The following ITGB2 variants were observed in gnomAD, a reference collection of about 807,000 sequenced individuals.
ITGB2 encodes integrin subunit beta 2, also known as integrin beta-2.
Under a neutral mutation model 86.8 loss-of-function variants are expected in ITGB2, and 56 were observed. The observed-to-expected ratio is 0.65, with a 90% confidence interval of 0.52 to 0.81. The LOEUF is 0.81. ITGB2 is among the 30% of genes least tolerant of loss of function. ITGB2 has a pLI of 0.00. For synonymous variants in ITGB2, 457 were observed against 450.4 expected (o/e 1.01, Z -0.19); for missense variants, 948 against 1,061.2 (o/e 0.89, Z 1.48).
rs551715535 is a variant in ITGB2 at position 44,899,651 on chromosome 21, G to A, written c.898-489C>T. The stretch of plus-strand genomic sequence containing the variant: ...TACAACGTCAGGCTGCAAGAGCGTC[G>A]CACTACGGCCAGCGAGGACAAGCCC... On this transcript the variant is annotated intron_variant, in intron 7 of 15. Coordinates refer to ENST00000652462, the MANE Select transcript of ITGB2 (RefSeq NM_000211.5). Among the ~76,000 whole-genome samples the A allele has an allele frequency of 4.6e-5, 7 of 152,320 alleles. 1 individual carries two copies. Among genetic ancestry groups the A allele is most frequent in the Non-Finnish European group, 8.8e-5 (6 of 68,036 alleles).
rs1255074291 is a variant in ITGB2 at position 44,903,408 on chromosome 21, G to C, written c.456C>G (p.Asp152Glu). ...TGATCTCGTTGAGGGCCCGGAGCAG[G>C]TCGCCACCTAGCTTCTTGACATTCC... Reference protein sequence around the residue: ...DLRNVKKLGGDLLRALNEITE... With the variant: ...DLRNVKKLGGELLRALNEITE... Residue 152 changes from aspartate (D) to glutamate (E), a missense_variant, in exon 5 of 16, where the codon GAC becomes GAG. Coordinates refer to ENST00000652462, the MANE Select transcript of ITGB2 (RefSeq NM_000211.5). 1 of 1,614,014 alleles carries C rather than the reference G, an allele frequency of 6.2e-7. No homozygotes were observed. Among genetic ancestry groups the C allele is most frequent in the Non-Finnish European group, 8.5e-7 (1 of 1,179,992 alleles).
At chr21:44,920,979 G>A (rs1239873523), upstream of ITGB2, 1 of 152,384 alleles carries the variant, frequency 6.6e-6, no homozygotes, top group Non-Finnish European at 1.5e-5. Flanking sequence ...GGAAGTGGTG[G>A]GTTGCACCAC....
At chr21:44,914,921 A>C (rs1391683008) in intron 1 of ITGB2, among the ~76,000 whole-genome samples, 1 of 147,808 alleles carries the variant, frequency 6.8e-6, no homozygotes, top group Non-Finnish European at 1.5e-5. Context: ...TGACAGAACG[A>C]GGCCCTGTCT....
At chr21:44,887,092 A>G (rs2083711412) in intron 14 of ITGB2, among the ~76,000 whole-genome samples, 190 bp from the exon 15 acceptor site, 1 of 152,188 alleles carries the variant, frequency 6.6e-6, no homozygotes, top group Non-Finnish European at 1.5e-5. Context: ...ATTCCAGGCC[A>G]GGCCCTGTGG....
intron 13 of ITGB2, 163 bp from the exon 14 acceptor site, chr21:44,889,058 A>G: frequency 1.4e-6 from 1 of 709,128 alleles, no homozygotes; most frequent in Non-Finnish European, 2.4e-6. Flanking sequence ...CAGCGGGTGA[A>G]CTGGAAGCCT....
In ITGB2 at chr21:44,900,311, G is replaced by A; in HGVS notation, c.897+9C>T. The A allele has an allele frequency of 6.2e-7, 1 of 1,614,150 alleles. No individual in the cohort carries two copies. Among genetic ancestry groups the A allele is most frequent in the South Asian group, 1.1e-5 (1 of 91,086 alleles). On this transcript the variant is annotated intron_variant, in intron 7 of 15. Coordinates refer to ENST00000652462, the MANE Select transcript of ITGB2 (RefSeq NM_000211.5). ...AGGCGGTGCCTGGGTGCCTGGGGTG[G>A]GGACTTACGAATTCGTTGCTCCTCT...
intron 3 of ITGB2, among the ~76,000 whole-genome samples, chr21:44,909,700 T>C (rs1335237121): frequency 6.6e-6 from 1 of 152,214 alleles, no homozygotes; most frequent in African/African-American, 2.4e-5. Context: ...CAATAAAATA[T>C]GCGTAGTGTG....
intron 4 of ITGB2, among the ~76,000 whole-genome samples, chr21:44,906,399 G>A (rs1057403143): frequency 6.6e-6 from 1 of 152,134 alleles, no homozygotes; most frequent in African/African-American, 2.4e-5. Flanking sequence ...GGGATTACAG[G>A]CGTGAGCCAC....
intron 8 of ITGB2, among the ~76,000 whole-genome samples, chr21:44,897,825 T>C (rs2083891671): frequency 6.6e-6 from 1 of 152,192 alleles, no homozygotes; most frequent in Admixed American, 6.5e-5. Context: ...GCTCAGTCCT[T>C]CTGTCCCTGT....
At position 44,898,184 on chromosome 21, in the gene ITGB2, C is replaced by T. The variant is rs867411530; in HGVS notation, c.993+883G>A. On this transcript the variant is annotated intron_variant, in intron 8 of 15. Coordinates refer to ENST00000652462, the MANE Select transcript of ITGB2 (RefSeq NM_000211.5). ...GAGGTCAGCCATGGGGTGTCAGCCGCGCCGCTGTGACTGACCCCCAGTAGA... is the reference window on the plus strand; with the variant it reads ...GAGGTCAGCCATGGGGTGTCAGCCGTGCCGCTGTGACTGACCCCCAGTAGA... Among the ~76,000 whole-genome samples, 15 of 152,260 alleles carry T rather than the reference C, an allele frequency of 9.9e-5. No individual in the cohort carries two copies. The Middle Eastern group carries it at 0.014, about 138-fold the overall frequency.
chr21:44,910,275 G>A lies in ITGB2; in HGVS notation c.147+9C>T, dbSNP rs199948899. 2.8e-3 allele frequency: 4,480 copies of A among 1,613,540 alleles called. 8 individuals carry two copies. The highest frequency in any genetic ancestry group is 3.5e-3 in the Non-Finnish European group (4,091 of 1,179,816). Reference sequence around the variant, plus strand: ...TGGGCAGGTGGGGAGGGGTCCAGGAGGCACTTACCAGCTTCTGGCACCAGG... The same window carrying A: ...TGGGCAGGTGGGGAGGGGTCCAGGAAGCACTTACCAGCTTCTGGCACCAGG... On this transcript the variant is annotated intron_variant, in intron 3 of 15. Coordinates refer to ENST00000652462, the MANE Select transcript of ITGB2 (RefSeq NM_000211.5).
intron 7 of ITGB2, 33 bp from the exon 8 acceptor site, chr21:44,899,195 GAGTCCAGGACAAGGCTTCC>G: frequency 1.3e-6 from 2 of 1,534,278 alleles, no homozygotes; most frequent in Non-Finnish European, 1.8e-6. Context: ...AGTTGGCCCC[GAGTCCAGGACAAGGCTTCC>G]AGGTACCCGC....
chr21:44,928,049 C>T (rs2146583613), intron 1 of ITGB2: 1 of 151,986 alleles, frequency 6.6e-6, no homozygotes, highest in Middle Eastern at 3.4e-3. Flanking sequence ...CAGCTTCCCA[C>T]ACTGGGAGCA....
intron 3 of ITGB2, among the ~76,000 whole-genome samples, chr21:44,910,047 A>G (rs901742432): frequency 3.3e-5 from 5 of 152,386 alleles, no homozygotes; most frequent in African/African-American, 1.2e-4. Context: ...CTCCATGTCT[A>G]CAACCTACTC....
At chr21:44,887,042 T>C in intron 14 of ITGB2, 140 bp from the exon 15 acceptor site, 2 of 1,010,156 alleles carry the variant, frequency 2.0e-6, no homozygotes, top group Non-Finnish European at 3.0e-6. Flanking sequence ...TCCATCACCA[T>C]GGCCAGGGGT....
chr21:44,902,801 C>G (rs1051702541), intron 5 of ITGB2, among the ~76,000 whole-genome samples: 2 of 151,894 alleles, frequency 1.3e-5, no homozygotes, highest in Middle Eastern at 3.4e-3. Flanking sequence ...TGTGAGCATG[C>G]ATTTGCTTGT....
At chr21:44,902,486 A>G (rs996244681) in intron 5 of ITGB2, among the ~76,000 whole-genome samples, 2 of 147,254 alleles carry the variant, frequency 1.4e-5, no homozygotes, top group Non-Finnish European at 3.0e-5. Flanking sequence ...CACATGTGAG[A>G]GCATGCATTT....
chr21:44,916,829 C>T (rs914199615), intron 1 of ITGB2, among the ~76,000 whole-genome samples: 2 of 149,066 alleles, frequency 1.3e-5, no homozygotes, highest in East Asian at 2.0e-4. Flanking sequence ...GATCTCACCT[C>T]TGCACTCCAG....
intron 4 of ITGB2, among the ~76,000 whole-genome samples, chr21:44,906,144 T>G (rs2084039035): frequency 7.6e-6 from 1 of 131,096 alleles, no homozygotes; most frequent in Non-Finnish European, 1.6e-5. Flanking sequence ...TCCCTTCCCC[T>G]TCCCTCCCTT....
Sources: allele counts gnomAD v4.1 joint callset (sites outside exome capture counted in the v4.1 genomes callset), GRCh38; gene constraint gnomAD v4.1.1; transcripts MANE v1.5; gene names NCBI Gene and HGNC (gene_info 2026-07-23, HGNC 2026-07-21).